Variants in TPRG1 observed in about 807,000 individuals in gnomAD.
The protein encoded by TPRG1 is tumor protein p63-regulated gene 1 protein.
Under a neutral mutation model 29.3 loss-of-function variants are expected in TPRG1, and 29 were observed. The observed-to-expected ratio is 0.99, with a 90% confidence interval of 0.74 to 1.35. The LOEUF (loss-of-function observed/expected upper bound fraction) is 1.35, where lower values mean the gene tolerates loss of function less well. Among genes scored for constraint, TPRG1 ranks in the 40% most tolerant of loss-of-function variants. The probability of loss-of-function intolerance (pLI) is 0.00; values close to 1 mark genes in which losing one functional copy is unlikely to be tolerated. For synonymous variants in TPRG1, 130 were observed against 116.8 expected (o/e 1.11, Z -0.73); for missense variants, 327 against 335.0 (o/e 0.98, Z 0.19).
chr3:189,025,189 T>A (rs940684608), intron 4 of TPRG1, among the ~76,000 whole-genome samples: 4 of 152,242 alleles, frequency 2.6e-5, no homozygotes, highest in African/African-American at 9.6e-5. Flanking sequence ...TCCACACAGC[T>A]CTGTGTGTTG....
chr3:189,118,118 G>A (rs1163204114), intron 1 of TPRG1, among the ~76,000 whole-genome samples: 1 of 152,154 alleles, frequency 6.6e-6, no homozygotes, highest in African/African-American at 2.4e-5. Context: ...TTGTTGAATG[G>A]CTTTGACCAA....
intron 5 of TPRG1, among the ~76,000 whole-genome samples, chr3:189,154,185 A>G (rs1474232904): frequency 1.3e-5 from 2 of 152,190 alleles, no homozygotes; most frequent in African/African-American, 2.4e-5. Flanking sequence ...TTGGAAAAGG[A>G]GTTTGATGCT....
intron 4 of TPRG1, among the ~76,000 whole-genome samples, chr3:189,273,374 A>G (rs1715553405): frequency 6.6e-6 from 1 of 152,118 alleles, no homozygotes; most frequent in Non-Finnish European, 1.5e-5. Context: ...AATGCACCTC[A>G]CTCAGATGAG....
intron 5 of TPRG1, among the ~76,000 whole-genome samples, chr3:189,158,043 C>CG (rs1369224929): frequency 2.0e-5 from 3 of 152,116 alleles, no homozygotes; most frequent in Non-Finnish European, 4.4e-5. Flanking sequence ...TTGCTTCTCA[C>CG]GGGGAGCACG....
chr3:189,118,212 A>C (rs1721406514), intron 1 of TPRG1, among the ~76,000 whole-genome samples: 1 of 152,174 alleles, frequency 6.6e-6, no homozygotes, highest in Non-Finnish European at 1.5e-5. Flanking sequence ...ACTGGATTAC[A>C]GGTCACTCTT....
chr3:189,039,718 T>C lies in TPRG1; in HGVS notation c.-463+15772T>C, dbSNP rs1714507098. Among the ~76,000 whole-genome samples, 5 of 152,196 alleles carry C rather than the reference T, an allele frequency of 3.3e-5. No individual in the cohort carries two copies. In the South Asian group the frequency reaches 1.0e-3, roughly 32 times the overall value. ...AAGTCTAGTTTTGAAGATCAAATCATTGAGAGAGAATGTACACTTGTTTTT... is the reference window on the plus strand; with the variant it reads ...AAGTCTAGTTTTGAAGATCAAATCACTGAGAGAGAATGTACACTTGTTTTT... On this transcript the variant is annotated intron_variant, in intron 4 of 10. Transcript: ENST00000433971.
intron 4 of TPRG1, among the ~76,000 whole-genome samples, chr3:189,260,637 T>C (rs987458243): frequency 8.5e-5 from 13 of 152,196 alleles, no homozygotes; most frequent in African/African-American, 3.1e-4. Context: ...AGAGAAGGCA[T>C]CGCACATGTA....
chr3:189,097,776 A>G (rs1718779068), upstream of TPRG1, among the ~76,000 whole-genome samples: 1 of 152,198 alleles, frequency 6.6e-6, no homozygotes, highest in Non-Finnish European at 1.5e-5. Context: ...ACACAGGAAA[A>G]GTGGCAAATA....
chr3:189,099,814 C>G (rs140818120), upstream of TPRG1, among the ~76,000 whole-genome samples: 2 of 152,322 alleles, frequency 1.3e-5, no homozygotes, highest in East Asian at 1.9e-4. Context: ...GCTGAAATCT[C>G]TCTTCATCTT....
At chr3:189,217,855 T>A in intron 3 of TPRG1, 1 of 983,590 alleles carries the variant, frequency 1.0e-6, no homozygotes, top group South Asian at 4.7e-5. Flanking sequence ...AGCCTTTTTG[T>A]TTGTTTGTTT....
chr3:189,236,334 AC>A (rs1207171558), intron 3 of TPRG1, among the ~76,000 whole-genome samples: 2 of 152,204 alleles, frequency 1.3e-5, no homozygotes, highest in African/African-American at 4.8e-5. Flanking sequence ...GTTTTTTTAG[AC>A]TAAAACAAGT....
intron 4 of TPRG1, among the ~76,000 whole-genome samples, chr3:189,260,471 C>T (rs1022772827): frequency 6.6e-6 from 1 of 152,144 alleles, no homozygotes; most frequent in Non-Finnish European, 1.5e-5. Flanking sequence ...TTCCAAAAGC[C>T]ATTCATCTTA....
intron 5 of TPRG1, among the ~76,000 whole-genome samples, chr3:189,153,208 T>TTAAA: frequency 6.6e-6 from 1 of 152,100 alleles, no homozygotes; most frequent in Non-Finnish European, 1.5e-5. Context: ...AGTGTGCAGA[T>TTAAA]ACTGGCTAGT....
intron 4 of TPRG1, among the ~76,000 whole-genome samples, chr3:189,057,887 C>T (rs9840853): frequency 2.4e-4 from 33 of 137,124 alleles, no homozygotes; most frequent in South Asian, 4.6e-4. Context: ...TATATATATA[C>T]GTATACACAT....
At chr3:189,120,793 C>T (rs1477085710) in intron 1 of TPRG1, among the ~76,000 whole-genome samples, 2 of 152,178 alleles carry the variant, frequency 1.3e-5, no homozygotes, top group Non-Finnish European at 2.9e-5. Flanking sequence ...ACCTGGTAAA[C>T]CTCGATATAG....
At chr3:189,149,120 A>C (rs1380478827) in intron 4 of TPRG1, among the ~76,000 whole-genome samples, 3 of 152,168 alleles carry the variant, frequency 2.0e-5, no homozygotes, top group Non-Finnish European at 4.4e-5. Context: ...CATTTATGGT[A>C]ATCTCTATCT....
chr3:189,002,885 T>C (rs1045505356), intron 2 of TPRG1, among the ~76,000 whole-genome samples: 5 of 152,124 alleles, frequency 3.3e-5, no homozygotes, highest in African/African-American at 1.2e-4. Flanking sequence ...ACTTATTTTT[T>C]AAGCACATGC....
At chr3:189,173,335 TC>T (rs1379337964) in intron 1 of TPRG1, among the ~76,000 whole-genome samples, 5 of 100,586 alleles carry the variant, frequency 5.0e-5, no homozygotes, top group African/African-American at 2.8e-4. Context: ...TTCTTTCTTT[TC>T]TTCTTCTTTT....
At chr3:189,235,528 A>T (rs988568101) in intron 3 of TPRG1, among the ~76,000 whole-genome samples, 1 of 152,026 alleles carries the variant, frequency 6.6e-6, no homozygotes, top group African/African-American at 2.4e-5. Context: ...AACTGGATGG[A>T]GGGAGGGTTC....
Sources: gnomAD v4.1 joint callset for allele counts (sites outside exome capture counted in the v4.1 genomes callset) on GRCh38, gnomAD v4.1.1 for gene constraint, MANE v1.5 for transcripts, NCBI Gene and HGNC (gene_info 2026-07-23, HGNC 2026-07-21) for gene names.